Variants in GPR139 observed in about 807,000 individuals in gnomAD.
The protein encoded by GPR139 is G protein-coupled receptor 139.
GPR139 carries 12 observed loss-of-function variants against 25.8 expected under a neutral mutation model. The observed-to-expected ratio is 0.47, with a 90% CI of 0.30 to 0.75. The LOEUF is 0.75. Among genes scored for constraint, GPR139 ranks in the 30% least tolerant of loss-of-function variants. The pLI, the probability that GPR139 is intolerant of heterozygous loss-of-function variation, is 0.07. For synonymous variants in GPR139, 184 were observed against 179.9 expected, an observed-to-expected ratio of 1.02 and a Z score of -0.18; for missense variants, 380 against 450.2, an observed-to-expected ratio of 0.84 and a Z score of 1.41.
intron 1 of GPR139, among the ~76,000 whole-genome samples, chr16:20,044,857 A>T (rs937230838): frequency 6.6e-6 from 1 of 152,184 alleles, no homozygotes; most frequent in Non-Finnish European, 1.5e-5. Context: ...CTAAAGTTGT[A>T]TGCAATGGTA....
intron 1 of GPR139, among the ~76,000 whole-genome samples, chr16:20,045,670 C>T (rs556707530): frequency 1.3e-5 from 2 of 152,282 alleles, no homozygotes; most frequent in African/African-American, 4.8e-5. Flanking sequence ...TGAGAATGCT[C>T]GCCACTCCCA....
rs74938196 is a variant in GPR139 at position 20,072,841 on chromosome 16, C to T, written c.127+649G>A. On this transcript the variant is annotated intron_variant, in intron 1 of 1. Coordinates refer to ENST00000570682, the MANE Select transcript of GPR139 (RefSeq NM_001002911.4). Reference sequence around the variant, plus strand: ...TGTGACCCCCTGAGGTGGCAGCCACCGCAGGCTGCCCTGTGTGTCTCTGCA... The same window carrying T: ...TGTGACCCCCTGAGGTGGCAGCCACTGCAGGCTGCCCTGTGTGTCTCTGCA... Among the ~76,000 whole-genome samples, 360 of 152,286 alleles carry T rather than the reference C, an allele frequency of 2.4e-3. 11 individuals carry two copies. The East Asian group carries it at 0.055, about 23-fold the overall frequency.
intron 1 of GPR139, among the ~76,000 whole-genome samples, chr16:20,034,985 T>G (rs2057304924): frequency 6.6e-6 from 1 of 152,140 alleles, no homozygotes; most frequent in South Asian, 2.1e-4. Flanking sequence ...TATATGAAAA[T>G]TTCTCTGGGG....
At chr16:20,054,120 A>G (rs941241365) in intron 1 of GPR139, among the ~76,000 whole-genome samples, 1 of 152,214 alleles carries the variant, frequency 6.6e-6, no homozygotes, top group East Asian at 1.9e-4. Context: ...CCTGACACAC[A>G]GTAGGAACTT....
Position 20,073,622 on chromosome 16 carries a change from C to G in GPR139, c.-6G>C. 6.3e-7 allele frequency: 1 copy of G among 1,590,786 alleles called. No homozygotes were observed. The highest frequency in any genetic ancestry group is 8.6e-7 in the Non-Finnish European group (1 of 1,168,774). ...TGGGCGTGCGTGTGCTCCATGAGCG[C>G]GCCCCTCGCTCCCCTTGCCGCTTCG... On this transcript the variant is annotated 5_prime_UTR_variant, in exon 1 of 2. Coordinates refer to ENST00000570682, the MANE Select transcript of GPR139 (RefSeq NM_001002911.4). The surrounding 1 kb of genome is among the most constrained non-coding windows in gnomAD (Gnocchi z 4.7).
intron 1 of GPR139, among the ~76,000 whole-genome samples, chr16:20,046,969 G>A (rs1415759276): frequency 6.6e-6 from 1 of 152,154 alleles, no homozygotes; most frequent in Non-Finnish European, 1.5e-5. Flanking sequence ...TACTTGGGAG[G>A]CTGAAGCAGG....
chr16:20,053,585 A>C (rs185222657), intron 1 of GPR139, among the ~76,000 whole-genome samples: 401 of 152,326 alleles, frequency 2.6e-3, no homozygotes, highest in Non-Finnish European at 4.5e-3. Context: ...GGATAACCTC[A>C]GTGAAATTGC....
intron 1 of GPR139, among the ~76,000 whole-genome samples, chr16:20,049,981 G>A (rs1459438774): frequency 6.6e-6 from 1 of 152,148 alleles, no homozygotes; most frequent in Non-Finnish European, 1.5e-5. Context: ...TCTTTCCATT[G>A]CAAATAGTGA....
rs1474719187 is a variant in GPR139, at chr16:20,073,267, C to T, written c.127+223G>A. Among the ~76,000 whole-genome samples the T allele has an allele frequency of 6.9e-6, 1 of 144,650 alleles. No homozygotes were observed. The highest frequency in any genetic ancestry group is 1.6e-5 in the Non-Finnish European group (1 of 64,042). The allele number at this position is 144,650 out of a possible 152,430, so 94.9% of individuals were successfully genotyped here. On this transcript the variant is annotated intron_variant, in intron 1 of 1. Transcript: ENST00000570682. This position sits in a 1 kb window ranked among gnomAD's most constrained non-coding sequence, Gnocchi z 4.7. ...GTCACAGTCATCACACACACACACA[C>T]ACACACACACACGCTCGCGCGCGCA... is the stretch of plus-strand genomic sequence containing the variant.
chr16:20,056,711 G>C (rs920711506), intron 1 of GPR139, among the ~76,000 whole-genome samples: 1 of 152,156 alleles, frequency 6.6e-6, no homozygotes, highest in Non-Finnish European at 1.5e-5. Flanking sequence ...GCACATAATA[G>C]GTGGTCAATA....
chr16:20,060,941 C>T (rs1327687565), intron 1 of GPR139, among the ~76,000 whole-genome samples: 1 of 152,178 alleles, frequency 6.6e-6, no homozygotes, highest in Non-Finnish European at 1.5e-5. Context: ...CTTGAGTTCT[C>T]TTGTCTGGGT....
At chr16:20,036,254 A>G (rs2057309766) in intron 1 of GPR139, among the ~76,000 whole-genome samples, 1 of 152,210 alleles carries the variant, frequency 6.6e-6, no homozygotes, top group Non-Finnish European at 1.5e-5. Flanking sequence ...GTTGAGGTCT[A>G]AAGGTCTATT....
intron 1 of GPR139, among the ~76,000 whole-genome samples, chr16:20,037,192 C>T (rs1426515264): frequency 6.6e-6 from 1 of 152,170 alleles, no homozygotes; most frequent in Non-Finnish European, 1.5e-5. Flanking sequence ...TGGCTCACGC[C>T]TGTAATCCCA....
intron 1 of GPR139, among the ~76,000 whole-genome samples, chr16:20,058,579 G>T (rs769178508): frequency 6.6e-6 from 1 of 152,058 alleles, no homozygotes; most frequent in Non-Finnish European, 1.5e-5. Flanking sequence ...CCTCTTCTGC[G>T]AGCTATGTCT....
At chr16:20,058,731 TTTTA>T (rs940244753) in intron 1 of GPR139, among the ~76,000 whole-genome samples, 1 of 152,170 alleles carries the variant, frequency 6.6e-6, no homozygotes, top group Non-Finnish European at 1.5e-5. Flanking sequence ...ACTCAATCCC[TTTTA>T]TTTGTCAAAC....
rs767966063 is a variant in GPR139, at chr16:20,032,316, T to A, written c.481A>T (p.Ile161Phe). ...ATGTTGGGCCACCAGTAATAGGGGA[T>A]GCTGGTCAGGAAGCAGGTGATGTAA... ...SVYITCFLTS[I>F]PYYWWPNIWT... is the part of the protein sequence containing the mutation. The change falls in exon 2 of 2, where the codon ATC (isoleucine) becomes TTC (phenylalanine). Residue 161 changes from isoleucine (I) to phenylalanine (F), a missense_variant. Transcript: ENST00000570682. 4 of 1,614,074 alleles carry A rather than the reference T, an allele frequency of 2.5e-6. No homozygotes were observed. The highest frequency in any genetic ancestry group is 3.3e-5 in the Admixed American group (2 of 60,002).
At chr16:20,054,089 T>G (rs933768723) in intron 1 of GPR139, among the ~76,000 whole-genome samples, 1 of 152,180 alleles carries the variant, frequency 6.6e-6, no homozygotes, top group Non-Finnish European at 1.5e-5. Flanking sequence ...TAGGGCCACA[T>G]TCTTAGTCCC....
chr16:20,073,252 TCA>T lies in GPR139; in HGVS notation c.127+236_127+237del, dbSNP rs71146300. Among the ~76,000 whole-genome samples, 9,091 of 146,868 alleles carry T rather than the reference TCA, an allele frequency of 0.062. 334 individuals are homozygous for T. The highest frequency in any genetic ancestry group is 0.097 in the African/African-American group (3,878 of 39,890). ...AGCCCATCGCCCGCCGTCACAGTCATCACACACACACACACACACACACACAC... is the reference window on the plus strand; with the variant it reads ...AGCCCATCGCCCGCCGTCACAGTCATCACACACACACACACACACACACAC... On this transcript the variant is annotated intron_variant, in intron 1 of 1. Transcript: ENST00000570682. This position sits in a 1 kb window ranked among gnomAD's most constrained non-coding sequence, Gnocchi z 4.7.
At chr16:20,044,449 A>G (rs2057346975) in intron 1 of GPR139, among the ~76,000 whole-genome samples, 1 of 152,166 alleles carries the variant, frequency 6.6e-6, no homozygotes, top group South Asian at 2.1e-4. Context: ...TGAGTTCATA[A>G]TAGGCAATAA....
Sources: allele counts gnomAD v4.1 joint callset (sites outside exome capture counted in the v4.1 genomes callset), GRCh38; gene constraint gnomAD v4.1.1; non-coding constraint Gnocchi (gnomAD v3.1); transcripts MANE v1.5; gene names NCBI Gene and HGNC (gene_info 2026-07-23, HGNC 2026-07-21).